The following RALYL variants were observed in gnomAD, a reference collection of about 807,000 sequenced individuals.
The protein encoded by RALYL is RALY RNA binding protein like.
A neutral mutation model predicts 35.1 loss-of-function variants in RALYL; 29 were observed. The ratio of observed to expected loss-of-function variants is 0.83; its 90% confidence interval spans 0.61 to 1.13. The LOEUF is 1.13. RALYL is among the 50% of genes most tolerant of loss of function. The pLI is 0.00. For synonymous variants in RALYL, 120 were observed against 127.6 expected (o/e 0.94, Z 0.40); for missense variants, 359 against 360.4 (o/e 1.00, Z 0.03).
chr8:84,500,990 G>T (rs1447773786), intron 1 of RALYL, among the ~76,000 whole-genome samples: 8 of 152,110 alleles, frequency 5.3e-5, no homozygotes, highest in Admixed American at 5.2e-4. Context: ...TCTCAAACTT[G>T]ATCAGATCAT....
intron 1 of RALYL, among the ~76,000 whole-genome samples, chr8:84,325,636 C>T (rs1413497962): frequency 6.6e-6 from 1 of 152,150 alleles, no homozygotes; most frequent in East Asian, 1.9e-4. Flanking sequence ...CCTGTATATT[C>T]TTTATTTGTC....
chr8:84,883,348 T>C (rs1036938616), intron 7 of RALYL, among the ~76,000 whole-genome samples: 2 of 152,010 alleles, frequency 1.3e-5, no homozygotes, highest in African/African-American at 2.4e-5. Flanking sequence ...CTGTATTAGT[T>C]TGTTCTCATG....
rs117230348 is a variant in RALYL, at chr8:84,336,940, A to G, written c.-24+152516A>G. ...TAGTTTGAACATTGCTAGGTTTAAA[A>G]TGGTTTAAATATAAGATGGAAATCT... is the stretch of plus-strand genomic sequence containing the variant. On this transcript the variant is annotated intron_variant, in intron 1 of 8. Coordinates refer to ENST00000521268, the MANE Select transcript of RALYL (RefSeq NM_173848.7). Among the ~76,000 whole-genome samples, 17 of 151,672 alleles carry G rather than the reference A, an allele frequency of 1.1e-4. No homozygotes were observed. The East Asian group carries it at 3.3e-3, about 29-fold the overall frequency.
At chr8:84,673,151 G>T (rs1364110783) in intron 2 of RALYL, among the ~76,000 whole-genome samples, 1 of 151,926 alleles carries the variant, frequency 6.6e-6, no homozygotes, top group Non-Finnish European at 1.5e-5. Flanking sequence ...CATATGCTTG[G>T]TGGCCACATG....
intron 4 of RALYL, among the ~76,000 whole-genome samples, chr8:84,829,997 C>T (rs1401641348): frequency 7.9e-6 from 1 of 126,320 alleles, no homozygotes; most frequent in Non-Finnish European, 1.6e-5. Flanking sequence ...AGACACATCA[C>T]AGCATTTCAG....
intron 2 of RALYL, among the ~76,000 whole-genome samples, chr8:84,612,126 G>A (rs1353193801): frequency 2.0e-5 from 3 of 151,934 alleles, no homozygotes; most frequent in East Asian, 1.9e-4. Flanking sequence ...TGTTTGCTAT[G>A]TAGAAGATTT....
chr8:84,568,291 C>T (rs2061935931), intron 2 of RALYL, among the ~76,000 whole-genome samples: 4 of 147,584 alleles, frequency 2.7e-5, no homozygotes, highest in South Asian at 2.2e-4. Context: ...TGAGTGAGAA[C>T]ATGCGGTGTT....
chr8:84,870,683 A>G (rs573360419), intron 6 of RALYL, among the ~76,000 whole-genome samples: 1 of 152,100 alleles, frequency 6.6e-6, no homozygotes, highest in African/African-American at 2.4e-5. Flanking sequence ...ACAGGAGGGG[A>G]AAAAGTAGAA....
intron 1 of RALYL, among the ~76,000 whole-genome samples, chr8:84,209,823 A>G (rs12375429): frequency 0.23 from 35,739 of 152,126 alleles, 4,326 homozygotes; most frequent in Non-Finnish European, 0.27. Context: ...CCCCAACTAC[A>G]TGTGTATGTG....
chr8:84,490,724 TA>T (rs2055192624), intron 1 of RALYL, among the ~76,000 whole-genome samples: 1 of 150,508 alleles, frequency 6.6e-6, no homozygotes, highest in Non-Finnish European at 1.5e-5. Context: ...TTTTTATTAT[TA>T]TTATTATACT....
intron 1 of RALYL, among the ~76,000 whole-genome samples, chr8:84,276,126 G>A (rs1262850178): frequency 1.3e-5 from 2 of 151,904 alleles, no homozygotes; most frequent in African/African-American, 4.8e-5. Flanking sequence ...AACTCCATTG[G>A]TAATACATTG....
intron 2 of RALYL, among the ~76,000 whole-genome samples, chr8:84,552,509 C>T (rs910119048): frequency 2.0e-5 from 3 of 151,014 alleles, no homozygotes; most frequent in Non-Finnish European, 4.4e-5. Context: ...GAAGACAAGG[C>T]AAGCAAACCT....
intron 1 of RALYL, among the ~76,000 whole-genome samples, chr8:84,266,852 C>T (rs962753563): frequency 8.1e-5 from 12 of 148,738 alleles, no homozygotes; most frequent in Middle Eastern, 3.6e-3. Flanking sequence ...CCCAGCTACT[C>T]GGGAGGCTGA....
intron 1 of RALYL, among the ~76,000 whole-genome samples, chr8:84,318,152 G>A (rs1844110260): frequency 6.6e-6 from 1 of 152,086 alleles, no homozygotes; most frequent in South Asian, 2.1e-4. Flanking sequence ...TTCTGTTAAA[G>A]ACGTATTAAG....
At chr8:84,440,510 T>A (rs1329556328) in intron 1 of RALYL, among the ~76,000 whole-genome samples, 1 of 152,080 alleles carries the variant, frequency 6.6e-6, no homozygotes, top group Non-Finnish European at 1.5e-5. Flanking sequence ...GCAACTCTTA[T>A]AATTAATCTG....
chr8:84,817,370 A>T (rs1490199965), intron 4 of RALYL, among the ~76,000 whole-genome samples: 1 of 151,980 alleles, frequency 6.6e-6, no homozygotes, highest in Non-Finnish European at 1.5e-5. Flanking sequence ...AACAGATGCT[A>T]TATATTATTA....
chr8:84,609,081 C>T (rs1242947701), intron 2 of RALYL, among the ~76,000 whole-genome samples: 2 of 152,102 alleles, frequency 1.3e-5, no homozygotes, highest in Non-Finnish European at 2.9e-5. Context: ...TATCATTCTT[C>T]CTCATATGTC....
chr8:84,919,548 T>A (rs1453289506), intron 8 of RALYL, among the ~76,000 whole-genome samples: 1 of 152,002 alleles, frequency 6.6e-6, no homozygotes, highest in East Asian at 1.9e-4. Flanking sequence ...ACAAACACAT[T>A]TGAATAAAGC....
At chr8:84,280,590 G>C (rs995596387) in intron 1 of RALYL, among the ~76,000 whole-genome samples, 1 of 151,556 alleles carries the variant, frequency 6.6e-6, no homozygotes, top group African/African-American at 2.4e-5. Context: ...ACCACACACA[G>C]AGTACATCAC....
Sources: allele counts gnomAD v4.1 joint callset (sites outside exome capture counted in the v4.1 genomes callset), GRCh38; gene constraint gnomAD v4.1.1; transcripts MANE v1.5; gene names NCBI Gene and HGNC (gene_info 2026-07-23, HGNC 2026-07-21).